The following CPPED1 variants were observed in gnomAD, a reference collection of about 807,000 sequenced individuals.
The protein encoded by CPPED1 is serine/threonine-protein phosphatase CPPED1.
A neutral mutation model predicts 28.0 loss-of-function variants in CPPED1; 28 were observed. The ratio of observed to expected loss-of-function variants is 1.00; its 90% CI spans 0.74 to 1.37. The LOEUF is 1.37. CPPED1 is among the 40% of genes most tolerant of loss of function. The pLI is 0.00. For missense variants in CPPED1, 504 were observed against 416.5 expected (o/e 1.21, Z -1.83); for synonymous variants, 198 against 180.2 (o/e 1.10, Z -0.79).
chr16:12,745,328 C>T (rs1043687069), intron 2 of CPPED1, among the ~76,000 whole-genome samples: 1 of 151,996 alleles, frequency 6.6e-6, no homozygotes, highest in Non-Finnish European at 1.5e-5. Flanking sequence ...AGGTACATAC[C>T]CAGAGGAATA....
intron 3 of CPPED1, among the ~76,000 whole-genome samples, chr16:12,671,432 G>T (rs1435732368): frequency 6.6e-6 from 1 of 151,902 alleles, no homozygotes; most frequent in East Asian, 1.9e-4. Context: ...AGAGAGCAAG[G>T]GGAGAGAAAA....
chr16:12,666,070 C>T (rs1394845219), intron 3 of CPPED1, among the ~76,000 whole-genome samples: 2 of 152,146 alleles, frequency 1.3e-5, no homozygotes, highest in East Asian at 1.9e-4. Context: ...GAGCCTACAT[C>T]GTGCCACCGC....
chr16:12,744,080 T>A (rs1293715376), intron 2 of CPPED1, among the ~76,000 whole-genome samples: 18 of 151,930 alleles, frequency 1.2e-4, no homozygotes, highest in Non-Finnish European at 1.5e-5. Flanking sequence ...ATTGAGACCA[T>A]CCTGGCTAAC....
At chr16:12,771,267 T>C (rs1474895723) in intron 2 of CPPED1, among the ~76,000 whole-genome samples, 1 of 152,220 alleles carries the variant, frequency 6.6e-6, no homozygotes. Flanking sequence ...TGGTGCAAAG[T>C]AGACTCTCAA....
intron 2 of CPPED1, among the ~76,000 whole-genome samples, chr16:12,766,256 T>TATATATATATATATATATATATAGAG: frequency 3.0e-5 from 4 of 134,288 alleles, no homozygotes; most frequent in African/African-American, 1.4e-4. Flanking sequence ...TATATATATA[T>TATATATATATATATATATATATAGAG]AGAGAGAGAG....
chr16:12,679,161 A>G (rs903033179), intron 3 of CPPED1, among the ~76,000 whole-genome samples: 4 of 152,232 alleles, frequency 2.6e-5, no homozygotes, highest in African/African-American at 9.6e-5. Context: ...TTGTTTATCC[A>G]GAACTTCTGA....
At chr16:12,714,920 GT>G (rs1385000749) in intron 2 of CPPED1, among the ~76,000 whole-genome samples, 1 of 151,630 alleles carries the variant, frequency 6.6e-6, no homozygotes, top group Non-Finnish European at 1.5e-5. Flanking sequence ...CAGTTTTCTA[GT>G]TTTAGCTCTT....
intron 2 of CPPED1, among the ~76,000 whole-genome samples, chr16:12,742,075 A>G (rs1391642873): frequency 9.9e-6 from 1 of 100,998 alleles, no homozygotes; most frequent in Non-Finnish European, 2.2e-5. Context: ...CAGAAAATAA[A>G]ATAAAATAAA....
At position 12,803,729 on chromosome 16, in the gene CPPED1, C is replaced by T. The variant is rs376260811; in HGVS notation, c.48G>A (p.Arg16=). The T allele has an allele frequency of 6.3e-7, 1 of 1,592,698 alleles. No homozygotes were observed. ...TACCTGCGGGAAACGCGGCCAGGGT[C>T]CTGCCCCTGGCTCTGTGGAAAACAC... The part of the protein sequence containing the change: ...AGGVFHRARG[R]TLAAFPAEKE... The change falls in exon 1 of 4, where the codon AGG becomes AGA. Residue 16 remains arginine, a synonymous_variant. Transcript: ENST00000381774.
chr16:12,733,725 T>C (rs930625670), intron 2 of CPPED1, among the ~76,000 whole-genome samples: 4 of 152,178 alleles, frequency 2.6e-5, no homozygotes, highest in Admixed American at 2.0e-4. Context: ...CACAAGCATG[T>C]TGTTTAGAAC....
intron 2 of CPPED1, among the ~76,000 whole-genome samples, chr16:12,747,554 T>C (rs2080298273): frequency 6.6e-6 from 1 of 152,146 alleles, no homozygotes; most frequent in South Asian, 2.1e-4. Flanking sequence ...ATCACCTGAA[T>C]AGCCTTGTAG....
In CPPED1 at chr16:12,709,065, A is replaced by T. The variant is rs888310442; in HGVS notation, c.290-4016T>A. ...ATTGCATTCCAGCCTGGGTGACAAG[A>T]GCAAAACTCTGTCTCAAAAATGTCC... On this transcript the variant is annotated intron_variant, in intron 2 of 3. Transcript: ENST00000381774. The surrounding 1 kb of genome is among the most constrained non-coding windows in gnomAD (Gnocchi z 4.4). Among the ~76,000 whole-genome samples the T allele has an allele frequency of 1.3e-5, 2 of 152,294 alleles. No homozygotes were observed. Among genetic ancestry groups the T allele is most frequent in the Middle Eastern group, 3.4e-3 (1 of 294 alleles).
At chr16:12,677,791 C>T (rs1234562229) in intron 3 of CPPED1, among the ~76,000 whole-genome samples, 1 of 152,220 alleles carries the variant, frequency 6.6e-6, no homozygotes, top group African/African-American at 2.4e-5. Context: ...ATCTTAAAGA[C>T]ATTTTCATGG....
chr16:12,788,071 G>A (rs2080574928), intron 1 of CPPED1, among the ~76,000 whole-genome samples: 1 of 152,150 alleles, frequency 6.6e-6, no homozygotes, highest in Non-Finnish European at 1.5e-5. Flanking sequence ...TTGCCATATG[G>A]GCCTCTCCAA....
intron 2 of CPPED1, chr16:12,760,676 T>G (rs2080404107): frequency 6.6e-6 from 1 of 152,198 alleles, no homozygotes; most frequent in African/African-American, 2.4e-5. Context: ...AACAAGTGTT[T>G]AGAGATCCCT....
At chr16:12,675,784 C>T (rs1258811597) in intron 3 of CPPED1, among the ~76,000 whole-genome samples, 1 of 152,188 alleles carries the variant, frequency 6.6e-6, no homozygotes, top group African/African-American at 2.4e-5. Context: ...CCATCACTCA[C>T]ACTGAATTTA....
intron 2 of CPPED1, among the ~76,000 whole-genome samples, chr16:12,740,785 A>G (rs527895617): frequency 6.6e-6 from 1 of 152,334 alleles, no homozygotes; most frequent in Admixed American, 6.5e-5. Flanking sequence ...GCCCTGTGGC[A>G]GGAAAGGAGA....
chr16:12,771,577 A>G (rs1342354034), intron 2 of CPPED1, among the ~76,000 whole-genome samples: 1 of 152,234 alleles, frequency 6.6e-6, no homozygotes, highest in Non-Finnish European at 1.5e-5. Context: ...TCCTGGCCAG[A>G]GCCTCAATCC....
At chr16:12,683,577 C>A (rs2079917240) in intron 3 of CPPED1, among the ~76,000 whole-genome samples, 1 of 152,212 alleles carries the variant, frequency 6.6e-6, no homozygotes, top group African/African-American at 2.4e-5. Flanking sequence ...CCAATGCACA[C>A]CCCTCCTCGT....
Sources: gnomAD v4.1 joint callset for allele counts (sites outside exome capture counted in the v4.1 genomes callset) on GRCh38, gnomAD v4.1.1 for gene constraint, Gnocchi (gnomAD v3.1) non-coding constraint, MANE v1.5 for transcripts, NCBI Gene and HGNC (gene_info 2026-07-23, HGNC 2026-07-21) for gene names.